Variants in RIC8B observed in about 807,000 individuals in gnomAD.
The protein encoded by RIC8B is chaperone Ric-8B.
A neutral mutation model predicts 57.5 loss-of-function variants in RIC8B; 16 were observed. That is an observed-to-expected ratio of 0.28 (90% CI 0.19 to 0.42). The LOEUF (loss-of-function observed/expected upper bound fraction) is 0.42. Ranked by LOEUF, RIC8B falls within the 10% of genes least tolerant of loss-of-function variation. The probability of loss-of-function intolerance (pLI) is 1.00; values close to 1 mark genes in which losing one functional copy is unlikely to be tolerated. For synonymous variants in RIC8B, 216 were observed against 250.8 expected, an observed-to-expected ratio of 0.86 and a Z score of 1.31; for missense variants, 481 against 677.0, an observed-to-expected ratio of 0.71 and a Z score of 3.21.
chr12:106,799,489 G>A (rs1479139318), intron 2 of RIC8B, among the ~76,000 whole-genome samples: 1 of 152,216 alleles, frequency 6.6e-6, no homozygotes, highest in African/African-American at 2.4e-5. Flanking sequence ...CAGGGGCAGA[G>A]CACAGCTAGT....
intron 2 of RIC8B, among the ~76,000 whole-genome samples, chr12:106,793,593 A>G (rs1018100884): frequency 4.6e-5 from 7 of 152,130 alleles, no homozygotes; most frequent in East Asian, 1.9e-4. Context: ...TTGTGGAGCA[A>G]TTTTTGCCCC....
At chr12:106,876,524 G>C (rs1950670646) in intron 9 of RIC8B, among the ~76,000 whole-genome samples, 1 of 152,064 alleles carries the variant, frequency 6.6e-6, no homozygotes, top group African/African-American at 2.4e-5. Flanking sequence ...CTTGGATCCA[G>C]CTAAATTAAA....
rs1174178119 is a variant in RIC8B at position 106,888,956 on chromosome 12, C to T, written c.*2941C>T. On this transcript the variant is annotated 3_prime_UTR_variant, in exon 10 of 10. Coordinates refer to ENST00000392837, the MANE Select transcript of RIC8B (RefSeq NM_001330145.2). Reference sequence around the variant, plus strand: ...TATCCCTTCTTTATAAATGAGGACACAGAATGAGGCAGTACAAGTGACTCT... The same window carrying T: ...TATCCCTTCTTTATAAATGAGGACATAGAATGAGGCAGTACAAGTGACTCT... The T allele has an allele frequency of 1.3e-5, 2 of 152,094 alleles. No homozygotes were observed. The highest frequency in any genetic ancestry group is 2.9e-5 in the Non-Finnish European group (2 of 67,996). 9.4% of individuals were successfully genotyped at this position (152,094 alleles called of 1,614,324 possible).
Position 106,814,798 on chromosome 12 carries a change from G to A in RIC8B, c.235G>A (p.Val79Ile), listed in dbSNP as rs1263193118. Residue 79 changes from valine to isoleucine, a missense_variant, in exon 3 of 10, where the codon GTT (valine) becomes ATT (isoleucine). Transcript: ENST00000392837. ...CCGCATTCTCTCCAGAGACAAAAAGGTTTTAGTTCCTGTGACAACTAAGGA... is the reference window on the plus strand; with the variant it reads ...CCGCATTCTCTCCAGAGACAAAAAGATTTTAGTTCCTGTGACAACTAAGGA... ...VLRILSRDKK[V>I]LVPVTTKENM... The A allele has an allele frequency of 1.2e-6, 2 of 1,614,070 alleles. No individual in the cohort carries two copies. Among genetic ancestry groups the A allele is most frequent in the African/African-American group, 2.7e-5 (2 of 74,920 alleles).
At chr12:106,791,060 C>T (rs7967805) in intron 2 of RIC8B, among the ~76,000 whole-genome samples, 2,829 of 152,236 alleles carry the variant, frequency 0.019, 48 homozygotes, top group Middle Eastern at 0.048. Flanking sequence ...GGCCAGAATT[C>T]CTGTGACTTG....
At chr12:106,781,241 TGCCCGGCC>T (rs1473327561) in intron 1 of RIC8B, among the ~76,000 whole-genome samples, 1 of 152,184 alleles carries the variant, frequency 6.6e-6, no homozygotes, top group Non-Finnish European at 1.5e-5. Context: ...TGAGCCACCA[TGCCCGGCC>T]AATTTAACTC....
At position 106,818,227 on chromosome 12, in the gene RIC8B, C is replaced by T. The variant is rs568386045; in HGVS notation, c.741+2923C>T. Among the ~76,000 whole-genome samples, 131 of 151,004 alleles carry T rather than the reference C, an allele frequency of 8.7e-4. 1 individual carries two copies. The highest frequency in any genetic ancestry group is 1.2e-3 in the African/African-American group (48 of 41,116). On this transcript the variant is annotated intron_variant, in intron 3 of 9. Coordinates refer to ENST00000392837, the MANE Select transcript of RIC8B (RefSeq NM_001330145.2). ...TGTCGCCCAGGCTGGAATGCAGTGG[C>T]GCAATCTTAGCTCACTGCAACCTCT...
At chr12:106,784,126 A>C in intron 2 of RIC8B, 82 bp downstream of exon 2, 1 of 1,252,596 alleles carries the variant, frequency 8.0e-7, no homozygotes, top group Non-Finnish European at 1.2e-6. Flanking sequence ...TCATGTTTTC[A>C]TCTGATGGTT....
At chr12:106,821,433 A>G (rs1566086058) in intron 3 of RIC8B, among the ~76,000 whole-genome samples, 2 of 152,212 alleles carry the variant, frequency 1.3e-5, no homozygotes, top group South Asian at 4.1e-4. Flanking sequence ...CATATGGGAA[A>G]AAAGTGAATT....
chr12:106,880,769 C>T (rs1211745004), intron 9 of RIC8B, among the ~76,000 whole-genome samples: 3 of 152,066 alleles, frequency 2.0e-5, no homozygotes, highest in East Asian at 3.9e-4. Flanking sequence ...GTGTTCTATA[C>T]TAGATACTGG....
chr12:106,859,111 G>C (rs1263543699), intron 7 of RIC8B, among the ~76,000 whole-genome samples: 3 of 152,014 alleles, frequency 2.0e-5, no homozygotes, highest in Non-Finnish European at 4.4e-5. Flanking sequence ...AAGATTGTAT[G>C]TTATGTTGTG....
At chr12:106,822,254 G>A (rs1197662566) in intron 3 of RIC8B, 2 of 152,086 alleles carry the variant, frequency 1.3e-5, no homozygotes, top group African/African-American at 4.8e-5. Context: ...CCGTGAGAAT[G>A]ACTAAAATGA....
chr12:106,868,786 C>G (rs1006222143), intron 8 of RIC8B, among the ~76,000 whole-genome samples: 33 of 144,596 alleles, frequency 2.3e-4, no homozygotes, highest in African/African-American at 8.2e-4. Flanking sequence ...CACACACACA[C>G]ACACACACAC....
intron 1 of RIC8B, among the ~76,000 whole-genome samples, chr12:106,783,038 T>C (rs1380745463): frequency 6.6e-6 from 1 of 152,240 alleles, no homozygotes; most frequent in African/African-American, 2.4e-5. Flanking sequence ...TTGTTCTTTC[T>C]GTGATCATGG....
chr12:106,854,658 G>T (rs1248793052), intron 7 of RIC8B, among the ~76,000 whole-genome samples: 1 of 152,152 alleles, frequency 6.6e-6, no homozygotes, highest in Non-Finnish European at 1.5e-5. Flanking sequence ...GGACGTGGTG[G>T]TGCATGCCTG....
chr12:106,859,869 T>A (rs1402288845), intron 7 of RIC8B, among the ~76,000 whole-genome samples: 1 of 152,178 alleles, frequency 6.6e-6, no homozygotes, highest in African/African-American at 2.4e-5. Flanking sequence ...TTTTACATTA[T>A]GTGCCATATT....
At chr12:106,881,952 G>C (rs1479223164) in intron 9 of RIC8B, among the ~76,000 whole-genome samples, 1 of 152,178 alleles carries the variant, frequency 6.6e-6, no homozygotes, top group Non-Finnish European at 1.5e-5. Context: ...AGGGTGTATT[G>C]ACAAATTTTA....
chr12:106,830,268 G>T (rs1320546554), intron 4 of RIC8B, among the ~76,000 whole-genome samples: 1 of 152,192 alleles, frequency 6.6e-6, no homozygotes, highest in Non-Finnish European at 1.5e-5. Flanking sequence ...GCTTTGGGTT[G>T]TATTAACATT....
At chr12:106,875,543 A>G (rs894338471) in intron 9 of RIC8B, among the ~76,000 whole-genome samples, 13 of 152,280 alleles carry the variant, frequency 8.5e-5, no homozygotes, top group African/African-American at 3.1e-4. Flanking sequence ...ACCAAGGGAA[A>G]TAATATTTCA....
Sources: allele counts gnomAD v4.1 joint callset (sites outside exome capture counted in the v4.1 genomes callset), GRCh38; gene constraint gnomAD v4.1.1; transcripts MANE v1.5; gene names NCBI Gene and HGNC (gene_info 2026-07-23, HGNC 2026-07-21).